Variants in ANK3 observed in about 807,000 individuals in gnomAD.
ANK3 encodes ankyrin 3, also known as ankyrin-3.
In ANK3, 57 loss-of-function variants were observed where a neutral mutation model predicts 370.9. The observed-to-expected ratio is 0.15, with a 90% CI of 0.12 to 0.19. The LOEUF (loss-of-function observed/expected upper bound fraction) is 0.19. Ranked by LOEUF, ANK3 falls within the 10% of genes least tolerant of loss-of-function variation. The pLI, the probability that ANK3 is intolerant of heterozygous loss-of-function variation, is 1.00. For missense variants in ANK3, 4,439 were observed against 5,302.1 expected, an observed-to-expected ratio of 0.84 and a Z score of 5.06; for synonymous variants, 1,929 against 1,946.3, an observed-to-expected ratio of 0.99 and a Z score of 0.23.
At chr10:60,509,241 T>C (rs181942849) in intron 2 of ANK3, among the ~76,000 whole-genome samples, 1 of 152,050 alleles carries the variant, frequency 6.6e-6, no homozygotes, top group African/African-American at 2.4e-5. Context: ...ACCAAGGACA[T>C]ATAACTAGCA....
chr10:60,638,939 G>C (rs1450297980), intron 1 of ANK3, among the ~76,000 whole-genome samples: 1 of 15,940 alleles, frequency 6.3e-5, no homozygotes, highest in Non-Finnish European at 1.6e-4. Context: ...TCAAAGAAAG[G>C]GGGGAGAAGT....
At chr10:60,625,566 T>C (rs1012028813) in intron 1 of ANK3, among the ~76,000 whole-genome samples, 2 of 152,168 alleles carry the variant, frequency 1.3e-5, no homozygotes, top group Non-Finnish European at 2.9e-5. Flanking sequence ...AAGTACCTAA[T>C]TTATGTGTTA....
At chr10:60,162,090 T>C (rs1326675723) in intron 23 of ANK3, among the ~76,000 whole-genome samples, 1 of 152,212 alleles carries the variant, frequency 6.6e-6, no homozygotes, top group Non-Finnish European at 1.5e-5. Context: ...TGTGATAGTT[T>C]CCAAGAACAT....
exon 1 of ANK3, chr10:60,733,308 G>A: frequency 8.1e-7 from 1 of 1,236,202 alleles, no homozygotes; most frequent in Non-Finnish European, 1.0e-6. Flanking sequence ...AGGAGGAGGC[G>A]GAGGAGGCCA....
chr10:60,399,460 T>C (rs752646282), intron 2 of ANK3, among the ~76,000 whole-genome samples: 14 of 152,110 alleles, frequency 9.2e-5, no homozygotes, highest in Non-Finnish European at 2.1e-4. Flanking sequence ...GGATTAGCAA[T>C]GAGGAAAGGC....
chr10:60,055,582 G>T, intron 42 of ANK3, 76 bp downstream of exon 42: 1 of 1,493,338 alleles, frequency 6.7e-7, no homozygotes, highest in Non-Finnish European at 8.9e-7. Flanking sequence ...GCCCCCGGCT[G>T]CAAGATCAAT....
chr10:60,375,002 GAA>G (rs1233669510), intron 1 of ANK3, among the ~76,000 whole-genome samples: 3 of 151,836 alleles, frequency 2.0e-5, no homozygotes, highest in Admixed American at 6.6e-5. Flanking sequence ...AGAAACAAAA[GAA>G]AGAGAAGGGA....
chr10:60,585,049 A>G (rs1345256899), intron 2 of ANK3, among the ~76,000 whole-genome samples: 2 of 152,110 alleles, frequency 1.3e-5, no homozygotes, highest in Non-Finnish European at 2.9e-5. Flanking sequence ...TAGTTCTAAA[A>G]TTTTCTGATC....
intron 6 of ANK3, among the ~76,000 whole-genome samples, chr10:60,263,627 C>T (rs904857785): frequency 2.6e-5 from 4 of 152,164 alleles, no homozygotes; most frequent in Non-Finnish European, 4.4e-5. Flanking sequence ...CCTTTTAGCA[C>T]GCATAGGGCC....
At chr10:60,704,611 C>A (rs2079589111) in intron 1 of ANK3, among the ~76,000 whole-genome samples, 1 of 152,122 alleles carries the variant, frequency 6.6e-6, no homozygotes, top group Non-Finnish European at 1.5e-5. Flanking sequence ...GTCCTCCTGA[C>A]CTTTCCCAAC....
chr10:60,583,234 C>A (rs1252683766), intron 2 of ANK3, among the ~76,000 whole-genome samples: 1 of 152,066 alleles, frequency 6.6e-6, no homozygotes, highest in Non-Finnish European at 1.5e-5. Flanking sequence ...GAGAACATTA[C>A]CTGAAGCGAA....
At chr10:60,724,355 A>C (rs1191265172) in intron 1 of ANK3, among the ~76,000 whole-genome samples, 1 of 152,048 alleles carries the variant, frequency 6.6e-6, no homozygotes, top group East Asian at 1.9e-4. Flanking sequence ...TACTACAAAA[A>C]GGTGATCTAT....
intron 1 of ANK3, among the ~76,000 whole-genome samples, chr10:60,647,229 T>A (rs574892720): frequency 6.6e-6 from 1 of 152,284 alleles, no homozygotes; most frequent in African/African-American, 2.4e-5. Flanking sequence ...ACACCTGAAA[T>A]GATGTAATTT....
At chr10:60,672,050 C>T (rs576467830) in intron 1 of ANK3, among the ~76,000 whole-genome samples, 5 of 152,340 alleles carry the variant, frequency 3.3e-5, no homozygotes, top group African/African-American at 7.2e-5. Flanking sequence ...ATAATAAATA[C>T]TTATTGTTCT....
At chr10:60,154,463 C>A (rs1006419415) in intron 23 of ANK3, among the ~76,000 whole-genome samples, 1 of 152,100 alleles carries the variant, frequency 6.6e-6, no homozygotes, top group African/African-American at 2.4e-5. Context: ...AAGTAATTCA[C>A]CTTACTTTTT....
intron 1 of ANK3, among the ~76,000 whole-genome samples, chr10:60,381,518 C>T (rs2061545195): frequency 1.3e-5 from 2 of 152,172 alleles, no homozygotes; most frequent in African/African-American, 4.8e-5. Flanking sequence ...ATGACAGTCT[C>T]TTAGTAAAAC....
Position 60,070,193 on chromosome 10 carries a change from T to C in ANK3, c.10688A>G (p.Glu3563Gly), listed in dbSNP as rs147527383. The part of the protein sequence containing the change: ...EVFDSKSRED[E>G]TKPFGLAVED... Reference sequence around the variant, plus strand: ...TACCGCCAGCCCAAATGGCTTAGTTTCATCTTCCCGTGATTTACTGTCAAA... The same window carrying C: ...TACCGCCAGCCCAAATGGCTTAGTTCCATCTTCCCGTGATTTACTGTCAAA... The change falls in exon 37 of 44, where the codon GAA becomes GGA. Residue 3563 changes from glutamate to glycine, a missense_variant. Glu to Gly is a moderately conservative substitution (Grantham distance 98). Transcript: ENST00000280772. The surrounding 1 kb of genome is among the most constrained non-coding windows in gnomAD (Gnocchi z 5.7). The C allele has an allele frequency of 2.3e-3, 3,668 of 1,614,168 alleles. 7 individuals are homozygous for C. Among genetic ancestry groups the C allele is most frequent in the Admixed American group, 2.9e-3 (173 of 60,006 alleles).
chr10:60,458,140 G>T (rs1457159875), intron 2 of ANK3, among the ~76,000 whole-genome samples: 2 of 152,132 alleles, frequency 1.3e-5, no homozygotes, highest in African/African-American at 4.8e-5. Context: ...GCCCAGGGAA[G>T]TTGTGATGTT....
At chr10:60,539,528 C>A (rs542388093) in intron 2 of ANK3, among the ~76,000 whole-genome samples, 2 of 151,988 alleles carry the variant, frequency 1.3e-5, no homozygotes, top group South Asian at 4.2e-4. Context: ...AAGATGGTAC[C>A]TAACTTGCTC....
Sources: allele counts gnomAD v4.1 joint callset (sites outside exome capture counted in the v4.1 genomes callset), GRCh38; gene constraint gnomAD v4.1.1; non-coding constraint Gnocchi (gnomAD v3.1); transcripts MANE v1.5; gene names NCBI Gene and HGNC (gene_info 2026-07-23, HGNC 2026-07-21).